The following TTN variants were observed in gnomAD, a reference collection of about 807,000 sequenced individuals.
TTN encodes titin.
In TTN, 1,525 loss-of-function variants were observed where a neutral mutation model predicts 3,223.0. The ratio of observed to expected loss-of-function variants is 0.47; its 90% CI spans 0.45 to 0.49. The LOEUF is 0.49. Among genes scored for constraint, TTN ranks in the 20% least tolerant of loss-of-function variants. TTN has a pLI of 0.00. For missense variants in TTN, 40,786 were observed against 43,424.0 expected (o/e 0.94, Z 5.40); for synonymous variants, 14,094 against 15,161.0 (o/e 0.93, Z 5.17).
chr2:178,540,509 A>G (rs1693886037), intron 350 of TTN, 139 bp from the exon 351 acceptor site: 2 of 780,816 alleles, frequency 2.6e-6, no homozygotes, highest in Admixed American at 2.9e-5. Flanking sequence ...AATTTTATTC[A>G]TGGCTGGGTG....
chr2:178,601,824 ATC>A, intron 285 of TTN, 37 bp from the exon 286 acceptor site: 1 of 1,604,578 alleles, frequency 6.2e-7, no homozygotes, highest in Middle Eastern at 1.7e-4. Flanking sequence ...ATTGAATGAA[ATC>A]ATAGCAATAT....
Position 178,533,205 on chromosome 2 carries a change from C to T in TTN, c.103410G>A (p.Glu34470=). The stretch of plus-strand genomic sequence containing the variant: ...TGTCAATTTGTTTTTGTACGTGTCG[C>T]TCATGCTCCTCCTTACTCTTGAATT... ...KQEFKSKEEH[E]RHVQKQIDKT... Residue 34470 remains glutamate, a synonymous_variant, in exon 358 of 363, where the codon GAG becomes GAA. Coordinates refer to ENST00000589042, the MANE Select transcript of TTN (RefSeq NM_001267550.2). 1.9e-6 allele frequency: 3 copies of T among 1,613,934 alleles called. No individual in the cohort carries two copies. The highest frequency in any genetic ancestry group is 2.5e-6 in the Non-Finnish European group (3 of 1,179,850).
At chr2:178,707,476 C>A (rs763974174) in intron 100 of TTN, 50 bp downstream of exon 100, 1 of 1,528,710 alleles carries the variant, frequency 6.5e-7, no homozygotes. Flanking sequence ...AGCAAATAAA[C>A]ATGAGTGGTT....
rs768468641 is a variant in TTN, at chr2:178,539,220, T to C, written c.98715A>G (p.Glu32905=). The C allele has an allele frequency of 1.9e-6, 3 of 1,613,600 alleles. No individual in the cohort carries two copies. The highest frequency in any genetic ancestry group is 2.5e-6 in the Non-Finnish European group (3 of 1,179,668). Residue 32905 remains glutamate, a synonymous_variant, in exon 353 of 363, where the codon GAA becomes GAG. Transcript: ENST00000589042. ...NPPEPPSNPP[E]VLDVTKSSVS... is the part of the protein sequence containing the mutation. ...CAGAACTCTTGGTTACATCGAGTAC[T>C]TCTGGAGGATTGCTTGGAGGTTCTG...
At chr2:178,597,013 A>G (rs184682876) in intron 294 of TTN, among the ~76,000 whole-genome samples, 27 of 152,254 alleles carry the variant, frequency 1.8e-4, no homozygotes, top group African/African-American at 6.3e-4. Context: ...ATTTAGCGAT[A>G]GGGGTAGAGT....
At chr2:178,703,284 T>C (rs1275959628) in intron 106 of TTN, among the ~76,000 whole-genome samples, 1 of 152,124 alleles carries the variant, frequency 6.6e-6, no homozygotes, top group Non-Finnish European at 1.5e-5. Context: ...TACCATAAAG[T>C]CTTAGAAATC....
Position 178,723,923 on chromosome 2 carries a change from G to A in TTN, c.21336C>T (p.Gly7112=). Residue 7112 remains glycine (G), a synonymous_variant, in exon 73 of 363, where the codon GGC becomes GGT. Transcript: ENST00000589042. ...CATTAGCAGCCACGCATGTGTAATT[G>A]CCCATATCTGAGGAATCCAGAGAAT... is the stretch of plus-strand genomic sequence containing the variant. The part of the protein sequence containing the change: ...QLNSLDSSDM[G]NYTCVAANVA... 1 of 1,613,542 alleles carries A rather than the reference G, an allele frequency of 6.2e-7. No individual in the cohort carries two copies. Among genetic ancestry groups the A allele is most frequent in the Admixed American group, 1.7e-5 (1 of 59,990 alleles).
At position 178,770,311 on chromosome 2, in the gene TTN, A is replaced by C. The variant is rs1561222466; in HGVS notation, c.8390T>G (p.Ile2797Ser). 6.2e-7 allele frequency: 1 copy of C among 1,614,152 alleles called. No individual in the cohort carries two copies. Among genetic ancestry groups the C allele is most frequent in the Non-Finnish European group, 8.5e-7 (1 of 1,180,016 alleles). The change falls in exon 36 of 363, where the codon ATC becomes AGC. Residue 2797 changes from isoleucine (I) to serine (S), a missense_variant. Coordinates refer to ENST00000589042, the MANE Select transcript of TTN (RefSeq NM_001267550.2). ...SARLHVETVK[I>S]IKKPKDVTAL... The stretch of plus-strand genomic sequence containing the variant: ...TGTCACATCCTTTGGCTTTTTAATG[A>C]TCTTGACAGCTAAGAGGAAAATTGG...
Position 178,539,178 on chromosome 2 carries a change from G to T in TTN, c.98757C>A (p.Ser32919=). 1 of 1,613,714 alleles carries T rather than the reference G, an allele frequency of 6.2e-7. No homozygotes were observed. Among genetic ancestry groups the T allele is most frequent in the Non-Finnish European group, 8.5e-7 (1 of 1,179,746 alleles). Residue 32919 remains serine, a synonymous_variant, in exon 353 of 363, where the codon TCC becomes TCA. Coordinates refer to ENST00000589042, the MANE Select transcript of TTN (RefSeq NM_001267550.2). Reference sequence around the variant, plus strand: ...TAGAACCACCATCATCTTTGGGCCGGGACCAGGACAAGCTAACAGAACTCT... The same window carrying T: ...TAGAACCACCATCATCTTTGGGCCGTGACCAGGACAAGCTAACAGAACTCT... ...VTKSSVSLSW[S]RPKDDGGSRV...
At position 178,604,288 on chromosome 2, in the gene TTN, G is replaced by T; in HGVS notation, c.54399C>A (p.Pro18133=). 3 of 1,471,148 alleles carry T rather than the reference G, an allele frequency of 2.0e-6. No homozygotes were observed. Among genetic ancestry groups the T allele is most frequent in the Non-Finnish European group, 2.7e-6 (3 of 1,108,734 alleles). The allele number at this position is 1,471,148 out of a possible 1,614,324, so 91.1% of individuals were successfully genotyped here. ...TGACTCGGAACTCATACTGACCATT[G>T]GGGATAAGTTTCCAGATCTAGAAAT... ...EKRYGIWKLI[P]NGQYEFRVRA... The change falls in exon 282 of 363, where the codon CCC becomes CCA. Residue 18133 remains proline, a synonymous_variant. Transcript: ENST00000589042.
Position 178,712,932 on chromosome 2 carries a change from T to C in TTN, c.27093A>G (p.Leu9031=). The C allele has an allele frequency of 1.9e-6, 3 of 1,613,120 alleles. No homozygotes were observed. The highest frequency in any genetic ancestry group is 2.5e-6 in the Non-Finnish European group (3 of 1,179,452). ...FVQKPDPMDV[L]TGTNVTFTSI... The stretch of plus-strand genomic sequence containing the variant: ...TTGTGAAAGTTACATTGGTCCCAGT[T>C]AAAACATCCATGGGATCAGGTTTCT... The change falls in exon 94 of 363, where the codon TTA becomes TTG. Residue 9031 remains leucine, a synonymous_variant. Transcript: ENST00000589042.
rs777791019 is a variant in TTN, at chr2:178,618,845, T to C, written c.46705A>G (p.Lys15569Glu). The change falls in exon 251 of 363, where the codon AAA becomes GAA. Residue 15569 changes from lysine to glutamate, a missense_variant. Physicochemically the swap from Lys to Glu is moderately conservative, Grantham distance 56. Transcript: ENST00000589042. ...RAKLELAAAP[K>E]IKTADQDLVV... Reference sequence around the variant, plus strand: ...AGGTCTTGGTCAGCTGTCTTGATTTTTGGTGCAGCTAGTGAGAAAGATAAC... The same window carrying C: ...AGGTCTTGGTCAGCTGTCTTGATTTCTGGTGCAGCTAGTGAGAAAGATAAC... 1 of 1,609,214 alleles carries C rather than the reference T, an allele frequency of 6.2e-7. No individual in the cohort carries two copies. The highest frequency in any genetic ancestry group is 1.1e-5 in the South Asian group (1 of 90,564).
rs747495409 is a variant in TTN at position 178,578,029 on chromosome 2, G to T, written c.68486C>A (p.Pro22829Gln). 1.9e-6 allele frequency: 3 copies of T among 1,613,046 alleles called. No homozygotes were observed. The African/African-American group carries it at 4.0e-5, about 22-fold the overall frequency. The change falls in exon 322 of 363, where the codon CCA (proline) becomes CAA (glutamine). Residue 22829 changes from proline to glutamine, a missense_variant. Physicochemically the swap from Pro to Gln is moderately conservative, Grantham distance 76 (BLOSUM62 -1). Transcript: ENST00000589042. The part of the protein sequence containing the change: ...MAINLAGVGK[P>Q]SLPSEPVVAL... ...CACAACAGGCTCTGATGGTAGGCTTGGCTTGCCCACACCTGCTAAATTGAT... is the reference window on the plus strand; with the variant it reads ...CACAACAGGCTCTGATGGTAGGCTTTGCTTGCCCACACCTGCTAAATTGAT...
rs759948503 is a variant in TTN at position 178,613,156 on chromosome 2, A to G, written c.49648+5T>C. The G allele has an allele frequency of 1.2e-6, 2 of 1,608,158 alleles. No individual in the cohort carries two copies. The highest frequency in any genetic ancestry group is 1.7e-6 in the Non-Finnish European group (2 of 1,177,826). On this transcript the variant is annotated splice_donor_5th_base_variant and intron_variant, in intron 264 of 362. Coordinates refer to ENST00000589042, the MANE Select transcript of TTN (RefSeq NM_001267550.2). The stretch of plus-strand genomic sequence containing the variant: ...AAATAACCACAAAAATTATATAAAT[A>G]ATACCTATGGGATCCTTTATTAAGA...
Position 178,535,805 on chromosome 2 carries a change from C to T in TTN, c.100810G>A (p.Ala33604Thr). The change falls in exon 358 of 363, where the codon GCA becomes ACA. Residue 33604 changes from alanine to threonine, a missense_variant. Ala to Thr is a moderately conservative substitution (Grantham distance 58, BLOSUM62 0). Coordinates refer to ENST00000589042, the MANE Select transcript of TTN (RefSeq NM_001267550.2). The stretch of plus-strand genomic sequence containing the variant: ...ACTTCACCTCGGAGAGCATGAACTG[C>T]TCCCATGCCTTCAAGAGTTTTAGGT... ...HLPKTLEGMG[A>T]VHALRGEVVS... 2 of 1,607,754 alleles carry T rather than the reference C, an allele frequency of 1.2e-6. No homozygotes were observed.
Position 178,575,146 on chromosome 2 carries a change from C to T in TTN, c.70986G>A (p.Lys23662=). 6.2e-7 allele frequency: 1 copy of T among 1,612,780 alleles called. No individual in the cohort carries two copies. The highest frequency in any genetic ancestry group is 1.3e-5 in the African/African-American group (1 of 75,002). Residue 23662 remains lysine, a synonymous_variant, in exon 326 of 363, where the codon AAG becomes AAA. Coordinates refer to ENST00000589042, the MANE Select transcript of TTN (RefSeq NM_001267550.2). This position sits in a 1 kb window ranked among gnomAD's most constrained non-coding sequence, Gnocchi z 4.0. The stretch of plus-strand genomic sequence containing the variant: ...CTCCTTTTTTCCATGTCACTGTGGG[C>T]TTCGGTCGACCGAGCACTGGAATTT... ...KVEIPVLGRP[K]PTVTWKKGDQ...
chr2:178,536,580 TAAAC>T lies in TTN; in HGVS notation c.100172-9_100172-6del. On this transcript the variant is annotated splice_polypyrimidine_tract_variant and splice_region_variant and intron_variant, in intron 356 of 362. Coordinates refer to ENST00000589042, the MANE Select transcript of TTN (RefSeq NM_001267550.2). ...TGCCAGGAGCACCTGGCTTTTCTATTAAACAAAAAAAAGATTTGAGTCATGAGAT... is the reference window on the plus strand; with the variant it reads ...TGCCAGGAGCACCTGGCTTTTCTATTAAAAAAAAGATTTGAGTCATGAGAT... 1 of 1,488,350 alleles carries T rather than the reference TAAAC, an allele frequency of 6.7e-7. No homozygotes were observed. Among genetic ancestry groups the T allele is most frequent in the South Asian group, 1.5e-5 (1 of 68,442 alleles). The allele number at this position is 1,488,350 out of a possible 1,614,324, so 92.2% of individuals were successfully genotyped here.
At position 178,574,694 on chromosome 2, in the gene TTN, A is replaced by G. The variant is rs1304761942; in HGVS notation, c.71438T>C (p.Ile23813Thr). The change falls in exon 326 of 363, where the codon ATC (isoleucine) becomes ACC (threonine). Residue 23813 changes from isoleucine to threonine, a missense_variant. Physicochemically the swap from Ile to Thr is moderately conservative, Grantham distance 89. Transcript: ENST00000589042. ...AQNRYGVGPG[I>T]TSACIVANYP... ...GTTGGCAACTATGCATGCTGATGTG[A>G]TGCCTGGTCCAACTCCATATCTATT... 1.9e-6 allele frequency: 3 copies of G among 1,613,186 alleles called. No individual in the cohort carries two copies. The highest frequency in any genetic ancestry group is 1.7e-5 in the Admixed American group (1 of 59,954).
intron 13 of TTN, 29 bp downstream of exon 13, chr2:178,789,331 G>T: frequency 6.2e-7 from 1 of 1,612,126 alleles, no homozygotes; most frequent in Non-Finnish European, 8.5e-7. Flanking sequence ...TATAATAGGG[G>T]ATTTCACACT....
Sources: allele counts gnomAD v4.1 joint callset (sites outside exome capture counted in the v4.1 genomes callset), GRCh38; gene constraint gnomAD v4.1.1; non-coding constraint Gnocchi (gnomAD v3.1); transcripts MANE v1.5; gene names NCBI Gene and HGNC (gene_info 2026-07-23, HGNC 2026-07-21).